Variants in MLLT1 observed in about 807,000 individuals in gnomAD.
The protein encoded by MLLT1 is protein ENL.
A neutral mutation model predicts 55.1 loss-of-function variants in MLLT1; 11 were observed. The ratio of observed to expected loss-of-function variants is 0.20; its 90% CI spans 0.13 to 0.33. The LOEUF is 0.33. MLLT1 is among the 10% of genes least tolerant of loss of function. MLLT1 has a pLI of 1.00. For missense variants in MLLT1, 536 were observed against 760.6 expected, an observed-to-expected ratio of 0.70 and a Z score of 3.47; for synonymous variants, 323 against 320.1, an observed-to-expected ratio of 1.01 and a Z score of -0.10.
At chr19:6,271,983 T>C (rs994497532) in intron 1 of MLLT1, among the ~76,000 whole-genome samples, 1 of 152,206 alleles carries the variant, frequency 6.6e-6, no homozygotes, top group Non-Finnish European at 1.5e-5. Flanking sequence ...CCTGGCTGAG[T>C]GCCCCGGCGC....
At chr19:6,233,334 G>A (rs16993501) in intron 3 of MLLT1, among the ~76,000 whole-genome samples, 2,818 of 152,310 alleles carry the variant, frequency 0.019, 87 homozygotes, top group African/African-American at 0.062. Context: ...CCACGAGTCC[G>A]GTCAGAGCAG....
In MLLT1 at chr19:6,213,080, G is replaced by A; in HGVS notation, c.1642C>T (p.Arg548Cys). 1 of 1,613,926 alleles carries A rather than the reference G, an allele frequency of 6.2e-7. No individual in the cohort carries two copies. The highest frequency in any genetic ancestry group is 8.5e-7 in the Non-Finnish European group (1 of 1,179,850). Residue 548 changes from arginine (R) to cysteine (C), a missense_variant, in exon 12 of 12, where the codon CGC becomes TGC. Arg to Cys is a radical substitution (Grantham distance 180). This residue lies in a region of MLLT1 where 25 missense variants were observed against 75.8 expected (regional missense o/e 0.33). Coordinates refer to ENST00000252674, the MANE Select transcript of MLLT1 (RefSeq NM_005934.4). ...DLFSLDETTVRKLQSCLEAVA... is the reference protein window; with the variant it reads ...DLFSLDETTVCKLQSCLEAVA... ...GCCTCCAGGCAGCTCTGCAGTTTGC[G>A]CACGGTGGTCTCGTCCAGGGAGAAG...
chr19:6,277,554 A>C (rs1002303807), intron 1 of MLLT1, among the ~76,000 whole-genome samples: 1 of 152,208 alleles, frequency 6.6e-6, no homozygotes, highest in South Asian at 2.1e-4. Flanking sequence ...GTGCAAAGCC[A>C]GCTCTCTCCC....
intron 3 of MLLT1, among the ~76,000 whole-genome samples, chr19:6,237,089 T>A (rs2091069721): frequency 6.6e-6 from 1 of 152,070 alleles, no homozygotes; most frequent in African/African-American, 2.4e-5. Context: ...GGGTGGGGAG[T>A]CCAGGCAGCG....
At chr19:6,244,377 A>C (rs1022437074) in intron 3 of MLLT1, among the ~76,000 whole-genome samples, 3 of 150,484 alleles carry the variant, frequency 2.0e-5, no homozygotes, top group Admixed American at 1.3e-4. Flanking sequence ...AAAAAAAAAA[A>C]CCCTCATTTG....
chr19:6,233,931 C>T (rs551296482), intron 3 of MLLT1, among the ~76,000 whole-genome samples: 1 of 152,224 alleles, frequency 6.6e-6, no homozygotes, highest in East Asian at 1.9e-4. Context: ...AACTGGGAAC[C>T]TGGGGCTGTG....
At chr19:6,243,132 G>T (rs1483381402) in intron 3 of MLLT1, among the ~76,000 whole-genome samples, 1 of 152,254 alleles carries the variant, frequency 6.6e-6, no homozygotes, top group Non-Finnish European at 1.5e-5. Context: ...GCTAAAGTCT[G>T]CTGGGAACGT....
chr19:6,231,918 C>T lies in MLLT1; in HGVS notation c.277-1205G>A, dbSNP rs1314046867. On this transcript the variant is annotated intron_variant, in intron 3 of 11. Transcript: ENST00000252674. The surrounding 1 kb of genome is among the most constrained non-coding windows in gnomAD (Gnocchi z 5.1). The stretch of plus-strand genomic sequence containing the variant: ...CACTATGACAAGCACGAATGTCACA[C>T]GGAAGAAGGGAGGTTTTCATGGAAA... Among the ~76,000 whole-genome samples, 2 of 151,006 alleles carry T rather than the reference C, an allele frequency of 1.3e-5. No individual in the cohort carries two copies. The highest frequency in any genetic ancestry group is 6.6e-5 in the Admixed American group (1 of 15,152).
Position 6,213,412 on chromosome 19 carries a change from G to T in MLLT1, c.1480-4C>A. 1 of 1,610,750 alleles carries T rather than the reference G, an allele frequency of 6.2e-7. No homozygotes were observed. The highest frequency in any genetic ancestry group is 1.7e-4 in the Middle Eastern group (1 of 6,058). The stretch of plus-strand genomic sequence containing the variant: ...CCACCAGCTCATCCGTGTAGGCCTG[G>T]GGAGGGGGGGCAGGTCTCAGCAGCG... On this transcript the variant is annotated splice_polypyrimidine_tract_variant and splice_region_variant and intron_variant, in intron 10 of 11. Coordinates refer to ENST00000252674, the MANE Select transcript of MLLT1 (RefSeq NM_005934.4).
chr19:6,234,656 C>A (rs550179848), intron 3 of MLLT1, among the ~76,000 whole-genome samples: 7 of 152,216 alleles, frequency 4.6e-5, no homozygotes, highest in Admixed American at 2.6e-4. Flanking sequence ...AGATTCAGGC[C>A]CCCAAGACAC....
At chr19:6,268,848 CA>C (rs2091370373) in intron 2 of MLLT1, among the ~76,000 whole-genome samples, 1 of 152,164 alleles carries the variant, frequency 6.6e-6, no homozygotes, top group South Asian at 2.1e-4. Context: ...CAAAACAAAA[CA>C]AAAAACTAAA....
At chr19:6,236,276 T>C (rs2091060173) in intron 3 of MLLT1, among the ~76,000 whole-genome samples, 1 of 152,170 alleles carries the variant, frequency 6.6e-6, no homozygotes. Flanking sequence ...GACCAGGCAC[T>C]TTCTAAGCAC....
chr19:6,220,749 G>A (rs2144856416), intron 6 of MLLT1, among the ~76,000 whole-genome samples: 1 of 152,334 alleles, frequency 6.6e-6, no homozygotes, highest in South Asian at 2.1e-4. Flanking sequence ...CCCTGGGGTA[G>A]AAGGGAGGGG....
rs143633348 is a variant in MLLT1 at position 6,222,256 on chromosome 19, C to T, written c.975G>A (p.Ser325=). Residue 325 remains serine, a synonymous_variant, in exon 6 of 12, where the codon TCG becomes TCA. Transcript: ENST00000252674. This position sits in a 1 kb window ranked among gnomAD's most constrained non-coding sequence, Gnocchi z 4.1. ...TCTTGTCCTTGGCCGGCTTCTTGTCCGAGAAGGAGGAGGAGGAGGAGGTGC... is the reference window on the plus strand; with the variant it reads ...TCTTGTCCTTGGCCGGCTTCTTGTCTGAGAAGGAGGAGGAGGAGGAGGTGC... ...SPRTSSSSSF[S]DKKPAKDKSS... 24 of 1,612,826 alleles carry T rather than the reference C, an allele frequency of 1.5e-5. No individual in the cohort carries two copies. The African/African-American group carries it at 2.0e-4, about 13-fold the overall frequency.
At chr19:6,278,609 G>T (rs2091440048) in intron 1 of MLLT1, among the ~76,000 whole-genome samples, 1 of 152,184 alleles carries the variant, frequency 6.6e-6, no homozygotes, top group African/African-American at 2.4e-5. Flanking sequence ...TTGTACAGGA[G>T]ACTGCAGGAC....
chr19:6,216,633 G>A (rs1413993596), intron 7 of MLLT1, 120 bp from the exon 8 acceptor site: 6 of 668,362 alleles, frequency 9.0e-6, no homozygotes, highest in South Asian at 1.9e-5. Context: ...AAATGCACAC[G>A]CCCGTCCACC....
intron 6 of MLLT1, among the ~76,000 whole-genome samples, chr19:6,220,078 C>T (rs771937554): frequency 2.6e-5 from 4 of 152,234 alleles, no homozygotes; most frequent in Admixed American, 2.6e-4. Context: ...AGCTGGAGGA[C>T]GTGGGAGCTC....
At chr19:6,242,965 T>C (rs1484125369) in intron 3 of MLLT1, among the ~76,000 whole-genome samples, 1 of 152,132 alleles carries the variant, frequency 6.6e-6, no homozygotes. Flanking sequence ...CAGGACTACT[T>C]GGCAGCCAGC....
chr19:6,245,261 T>C (rs189150615), intron 3 of MLLT1, among the ~76,000 whole-genome samples: 3,113 of 150,880 alleles, frequency 0.021, 107 homozygotes, highest in East Asian at 0.13. Flanking sequence ...TTCTTTCTTT[T>C]TTTTTTTTTT....
Sources: gnomAD v4.1 joint callset for allele counts (sites outside exome capture counted in the v4.1 genomes callset) on GRCh38, gnomAD v4.1.1 for gene constraint, gnomAD v4.1.1 regional missense constraint, Gnocchi (gnomAD v3.1) non-coding constraint, MANE v1.5 for transcripts, NCBI Gene and HGNC (gene_info 2026-07-23, HGNC 2026-07-21) for gene names.